COLGALT2: variants seen among roughly 807,000 people sequenced by gnomAD.
COLGALT2 encodes the protein procollagen galactosyltransferase 2.
Under a neutral mutation model 73.4 loss-of-function variants are expected in COLGALT2, and 49 were observed. That is an observed-to-expected ratio of 0.67 (90% confidence interval 0.53 to 0.85). COLGALT2 has a LOEUF of 0.85. Among genes scored for constraint, COLGALT2 ranks in the 40% least tolerant of loss-of-function variants. The pLI, the probability that COLGALT2 is intolerant of heterozygous loss-of-function variation, is 0.00. For missense variants in COLGALT2, 722 were observed against 790.2 expected (o/e 0.91, Z 1.03); for synonymous variants, 295 against 307.6 (o/e 0.96, Z 0.43).
At chr1:184,028,081 C>A (rs1378464855) in intron 1 of COLGALT2, among the ~76,000 whole-genome samples, 1 of 152,142 alleles carries the variant, frequency 6.6e-6, no homozygotes, top group African/African-American at 2.4e-5. Context: ...CGGGTGTAAA[C>A]CATAATCATT....
downstream of COLGALT2, among the ~76,000 whole-genome samples, chr1:183,934,649 T>C (rs1669910550): frequency 6.6e-6 from 1 of 152,256 alleles, no homozygotes; most frequent in South Asian, 2.1e-4. Flanking sequence ...CACTTCTGGA[T>C]CATTTCTTTC....
chr1:183,945,732 TA>T, intron 8 of COLGALT2, 168 bp from the exon 9 acceptor site: 1 of 708,188 alleles, frequency 1.4e-6, no homozygotes, highest in Non-Finnish European at 2.3e-6. Flanking sequence ...GTCACACTAG[TA>T]TTATGAGGTC....
chr1:183,936,590 A>G lies in COLGALT2; in HGVS notation c.*2171T>C. On this transcript the variant is annotated 3_prime_UTR_variant, in exon 12 of 12. Transcript: ENST00000361927. ...AACCCAAACTTCCTTCAACCCCAGC[A>G]CCCCAGCCACCTCCCACCCCATTAA... 8.6e-7 allele frequency: 1 copy of G among 1,161,434 alleles called. No individual in the cohort carries two copies. The highest frequency in any genetic ancestry group is 1.1e-6 in the Non-Finnish European group (1 of 944,230). The allele number at this position is 1,161,434 out of a possible 1,614,324, so 71.9% of individuals were successfully genotyped here.
chr1:183,933,316 T>C (rs904256277), downstream of COLGALT2, among the ~76,000 whole-genome samples: 3 of 152,172 alleles, frequency 2.0e-5, no homozygotes, highest in African/African-American at 7.2e-5. Context: ...AGGACTTTGC[T>C]CCGTGTGTGG....
intron 1 of COLGALT2, among the ~76,000 whole-genome samples, chr1:184,012,017 C>T (rs1238131024): frequency 6.6e-6 from 1 of 152,138 alleles, no homozygotes; most frequent in Non-Finnish European, 1.5e-5. Flanking sequence ...TTTCTTTGTC[C>T]TTTCTCATGC....
At chr1:183,949,473 G>A (rs1057242356) in intron 8 of COLGALT2, among the ~76,000 whole-genome samples, 5 of 152,306 alleles carry the variant, frequency 3.3e-5, no homozygotes, top group East Asian at 3.9e-4. Context: ...ACAATTCTAC[G>A]AGGGAAACGA....
At chr1:183,950,812 G>A (rs1670375953) in intron 8 of COLGALT2, among the ~76,000 whole-genome samples, 195 bp downstream of exon 8, 1 of 152,114 alleles carries the variant, frequency 6.6e-6, no homozygotes, top group Non-Finnish European at 1.5e-5. Context: ...AAAGACCACT[G>A]GCTGGTGAGT....
chr1:183,954,092 G>T (rs565710233), intron 7 of COLGALT2, among the ~76,000 whole-genome samples: 10 of 152,314 alleles, frequency 6.6e-5, no homozygotes, highest in African/African-American at 1.9e-4. Flanking sequence ...ACACCCATGA[G>T]AGAGTCAGTG....
intron 1 of COLGALT2, among the ~76,000 whole-genome samples, chr1:183,982,100 C>T (rs1671368144): frequency 6.6e-6 from 1 of 152,126 alleles, no homozygotes; most frequent in African/African-American, 2.4e-5. Flanking sequence ...AGATGAGAAC[C>T]AACTCTTCTC....
intron 1 of COLGALT2, among the ~76,000 whole-genome samples, chr1:184,009,236 A>G (rs1285234768): frequency 2.0e-5 from 3 of 152,248 alleles, no homozygotes; most frequent in Non-Finnish European, 4.4e-5. Flanking sequence ...AGTTGTCAGC[A>G]TTAAACATGA....
intron 4 of COLGALT2, among the ~76,000 whole-genome samples, chr1:183,969,795 G>C (rs183422842): frequency 1.3e-5 from 2 of 152,346 alleles, no homozygotes; most frequent in Non-Finnish European, 2.9e-5. Flanking sequence ...AGAAGTGGCA[G>C]AGCAGTTAAG....
intron 6 of COLGALT2, among the ~76,000 whole-genome samples, chr1:183,959,182 T>C (rs1670631408): frequency 6.6e-6 from 1 of 152,194 alleles, no homozygotes; most frequent in Non-Finnish European, 1.5e-5. Flanking sequence ...TCTCTGGCTG[T>C]TTTGTCTTCC....
chr1:183,985,193 G>A (rs1026302739), intron 1 of COLGALT2, among the ~76,000 whole-genome samples: 12 of 152,182 alleles, frequency 7.9e-5, no homozygotes, highest in African/African-American at 2.7e-4. Context: ...GGTAAGCATG[G>A]GGCCACTGGA....
chr1:184,011,014 C>T (rs1672220347), intron 1 of COLGALT2, among the ~76,000 whole-genome samples: 1 of 152,102 alleles, frequency 6.6e-6, no homozygotes, highest in Admixed American at 6.5e-5. Context: ...CATGCTGTGG[C>T]TCAGTGAGGG....
At chr1:184,031,821 T>A (rs148268324) in intron 1 of COLGALT2, among the ~76,000 whole-genome samples, 13 of 119,364 alleles carry the variant, frequency 1.1e-4, no homozygotes, top group Non-Finnish European at 1.5e-4. Context: ...GAATGTATCC[T>A]TCCTTCCTTC....
At chr1:183,947,104 C>A (rs1186867076) in intron 8 of COLGALT2, among the ~76,000 whole-genome samples, 1 of 151,932 alleles carries the variant, frequency 6.6e-6, no homozygotes, top group East Asian at 1.9e-4. Context: ...ACCTCAGAAC[C>A]ATGAAACTGG....
intron 4 of COLGALT2, among the ~76,000 whole-genome samples, chr1:183,970,458 T>C (rs1329894695): frequency 2.0e-5 from 3 of 152,178 alleles, no homozygotes; most frequent in African/African-American, 7.2e-5. Context: ...ATGGTTACAT[T>C]TCCTGTTGTA....
At chr1:183,962,164 T>C (rs1457032142) in intron 6 of COLGALT2, among the ~76,000 whole-genome samples, 1 of 131,614 alleles carries the variant, frequency 7.6e-6, no homozygotes, top group Non-Finnish European at 1.6e-5. Context: ...CTTTTTTTTT[T>C]TTTTTTTTTT....
At chr1:184,014,992 C>T (rs1648953744) in intron 1 of COLGALT2, among the ~76,000 whole-genome samples, 1 of 151,998 alleles carries the variant, frequency 6.6e-6, no homozygotes, top group African/African-American at 2.4e-5. Context: ...GAGGGATTCA[C>T]CCTGTGTGAC....
Sources: gnomAD v4.1 joint callset for allele counts (sites outside exome capture counted in the v4.1 genomes callset) on GRCh38, gnomAD v4.1.1 for gene constraint, MANE v1.5 for transcripts, NCBI Gene and HGNC (gene_info 2026-07-23, HGNC 2026-07-21) for gene names.